Variants in SLC16A10 observed in about 807,000 individuals in gnomAD.
SLC16A10 encodes monocarboxylate transporter 10.
SLC16A10 carries 27 observed loss-of-function variants against 40.0 expected under a neutral mutation model. The observed-to-expected ratio is 0.67, with a 90% CI of 0.50 to 0.93. The LOEUF (loss-of-function observed/expected upper bound fraction) is 0.93, where lower values mean the gene tolerates loss of function less well. SLC16A10 is among the 40% of genes least tolerant of loss of function. The pLI is 0.00. For missense variants in SLC16A10, 529 were observed against 658.2 expected, an observed-to-expected ratio of 0.80 and a Z score of 2.15; for synonymous variants, 213 against 249.8, an observed-to-expected ratio of 0.85 and a Z score of 1.39.
At chr6:111,100,952 TTCTCTCCCTCTCTCTCTCTC>T (rs1207452776) in intron 1 of SLC16A10, among the ~76,000 whole-genome samples, 7 of 81,622 alleles carry the variant, frequency 8.6e-5, no homozygotes, top group African/African-American at 3.2e-4. Context: ...CTCTCGCTCT[TTCTCTCCCTCTCTCTCTCTC>T]TCTCTCTCTC....
chr6:111,134,668 G>A (rs1452634197), intron 1 of SLC16A10, among the ~76,000 whole-genome samples: 1 of 152,228 alleles, frequency 6.6e-6, no homozygotes, highest in East Asian at 1.9e-4. Context: ...CTTGCTTCCA[G>A]TGCGGTCTCA....
chr6:111,146,251 C>T (rs1299240980), intron 1 of SLC16A10, among the ~76,000 whole-genome samples: 2 of 152,176 alleles, frequency 1.3e-5, no homozygotes, highest in African/African-American at 4.8e-5. Flanking sequence ...ATAGAAGTCA[C>T]ACCCATTAGG....
At chr6:111,101,443 C>T (rs937548612) in intron 1 of SLC16A10, among the ~76,000 whole-genome samples, 1 of 152,060 alleles carries the variant, frequency 6.6e-6, no homozygotes, top group Non-Finnish European at 1.5e-5. Context: ...AGAAGAGTCC[C>T]AGGTACCCTA....
chr6:111,115,725 A>G (rs1771473662), intron 1 of SLC16A10, among the ~76,000 whole-genome samples: 1 of 152,218 alleles, frequency 6.6e-6, no homozygotes, highest in Admixed American at 6.5e-5. Context: ...AGCAAAACTC[A>G]GTAGTATCAT....
At chr6:111,105,997 C>T (rs545962562) in intron 1 of SLC16A10, among the ~76,000 whole-genome samples, 37 of 152,284 alleles carry the variant, frequency 2.4e-4, no homozygotes, top group Admixed American at 9.8e-4. Flanking sequence ...GCTTCATTTA[C>T]AGAATCTGTA....
intron 1 of SLC16A10, among the ~76,000 whole-genome samples, chr6:111,115,929 TTATCATAC>T (rs1771478783): frequency 1.3e-5 from 2 of 152,110 alleles, no homozygotes; most frequent in African/African-American, 2.4e-5. Flanking sequence ...GGTGTTTGTT[TTATCATAC>T]TACTTGTAGG....
At chr6:111,100,979 T>C (rs1336180985) in intron 1 of SLC16A10, among the ~76,000 whole-genome samples, 12 of 123,706 alleles carry the variant, frequency 9.7e-5, no homozygotes, top group African/African-American at 4.0e-4. Context: ...TCTCTCTCTC[T>C]CTCTCTCTCT....
chr6:111,150,215 C>T (rs1460743907), intron 1 of SLC16A10, among the ~76,000 whole-genome samples: 1 of 152,210 alleles, frequency 6.6e-6, no homozygotes, highest in African/African-American at 2.4e-5. Context: ...GACCCCCTTT[C>T]CTTGCCACCT....
intron 1 of SLC16A10, among the ~76,000 whole-genome samples, chr6:111,108,956 C>A (rs1771335618): frequency 6.6e-6 from 1 of 152,112 alleles, no homozygotes; most frequent in South Asian, 2.1e-4. Flanking sequence ...GATTGATTCA[C>A]TGCAGAACTG....
rs1293054973 is a variant in SLC16A10 at position 111,224,350 on chromosome 6, T to C, written c.*2115T>C. ...CAGAAAGTAATTTAAAAATGAAAAC[T>C]TTACTCTGTAAAGACCTCTACAGTG... On this transcript the variant is annotated 3_prime_UTR_variant, in exon 6 of 6. Transcript: ENST00000368851. 2 of 152,194 alleles carry C rather than the reference T, an allele frequency of 1.3e-5. No homozygotes were observed. Among genetic ancestry groups the C allele is most frequent in the Non-Finnish European group, 2.9e-5 (2 of 68,032 alleles). The allele number at this position is 152,194 out of a possible 1,614,324, so 9.4% of individuals were successfully genotyped here.
rs555887787 is a variant in SLC16A10, at chr6:111,224,018, T to A, written c.*1783T>A. 6.6e-6 allele frequency: 1 copy of A among 152,290 alleles called. No individual in the cohort carries two copies. The highest frequency in any genetic ancestry group is 1.9e-4 in the East Asian group (1 of 5,172). The allele number at this position is 152,290 out of a possible 1,614,324, so 9.4% of individuals were successfully genotyped here. A position where few individuals can be genotyped will look rare whatever the true frequency, so the allele number is the denominator to read the frequency against. On this transcript the variant is annotated 3_prime_UTR_variant, in exon 6 of 6. Transcript: ENST00000368851. Reference sequence around the variant, plus strand: ...ACTTTGGTAGTCCAAGGCAGGGGGATCACTTGAGCCCAGAAGTTCAAGACC... The same window carrying A: ...ACTTTGGTAGTCCAAGGCAGGGGGAACACTTGAGCCCAGAAGTTCAAGACC...
chr6:111,164,489 G>A (rs1772435193), intron 1 of SLC16A10, among the ~76,000 whole-genome samples: 1 of 152,146 alleles, frequency 6.6e-6, no homozygotes, highest in Admixed American at 6.5e-5. Context: ...GCTGGGTGTG[G>A]TGGCTCACAC....
At chr6:111,112,319 G>GC (rs1417477438) in intron 1 of SLC16A10, among the ~76,000 whole-genome samples, 1 of 152,182 alleles carries the variant, frequency 6.6e-6, no homozygotes, top group Non-Finnish European at 1.5e-5. Flanking sequence ...ATAGGAATGA[G>GC]CCACCGTGCC....
At chr6:111,178,278 C>T (rs1216978261) in intron 3 of SLC16A10, 6 of 450,900 alleles carry the variant, frequency 1.3e-5, no homozygotes, top group Non-Finnish European at 2.7e-5. Flanking sequence ...AATGGGAATT[C>T]TATTCAGAGG....
At position 111,177,672 on chromosome 6, in the gene SLC16A10, A is replaced by G. The variant is rs770349379; in HGVS notation, c.942+7A>G. 3.9e-6 allele frequency: 6 copies of G among 1,529,666 alleles called. No individual in the cohort carries two copies. The African/African-American group carries it at 6.9e-5, about 18-fold the overall frequency. 94.8% of individuals were successfully genotyped at this position (1,529,666 alleles called of 1,614,324 possible). On this transcript the variant is annotated splice_region_variant and intron_variant, in intron 3 of 5. Coordinates refer to ENST00000368851, the MANE Select transcript of SLC16A10 (RefSeq NM_018593.5). ...TGTGCCTTATGTTCACTTGGTGAGT[A>G]TGCTCCTTCACTGATCATGAATATT...
rs144990050 is a variant in SLC16A10, at chr6:111,190,090, A to G, written c.942+12425A>G. On this transcript the variant is annotated intron_variant, in intron 3 of 5. Transcript: ENST00000368851. Reference sequence around the variant, plus strand: ...GCAAGTTAGTTACTTCCTAGATACAATAGGGGTACATGCATTGGGTAAATA... The same window carrying G: ...GCAAGTTAGTTACTTCCTAGATACAGTAGGGGTACATGCATTGGGTAAATA... Among the ~76,000 whole-genome samples the G allele has an allele frequency of 3.0e-3, 453 of 152,308 alleles. 6 individuals are homozygous for G. The highest frequency in any genetic ancestry group is 4.0e-3 in the Admixed American group (61 of 15,298).
At chr6:111,184,791 T>C (rs1772865917) in intron 3 of SLC16A10, among the ~76,000 whole-genome samples, 1 of 152,200 alleles carries the variant, frequency 6.6e-6, no homozygotes. Flanking sequence ...TGAATTGTAT[T>C]TTTAAACCAG....
At chr6:111,097,230 G>A (rs1771089789) in intron 1 of SLC16A10, among the ~76,000 whole-genome samples, 1 of 152,154 alleles carries the variant, frequency 6.6e-6, no homozygotes, top group African/African-American at 2.4e-5. Context: ...CTTTCCTTGT[G>A]AGTGGCAGAA....
intron 1 of SLC16A10, among the ~76,000 whole-genome samples, chr6:111,098,631 T>G (rs73528968): frequency 0.012 from 1,848 of 152,312 alleles, 26 homozygotes; most frequent in African/African-American, 0.043. Context: ...TAATGCCAAG[T>G]CAAGTAGGTT....
Sources: gnomAD v4.1 joint callset for allele counts (sites outside exome capture counted in the v4.1 genomes callset) on GRCh38, gnomAD v4.1.1 for gene constraint, MANE v1.5 for transcripts, NCBI Gene and HGNC (gene_info 2026-07-23, HGNC 2026-07-21) for gene names.